PCDHGB2: variants seen among roughly 807,000 people sequenced by gnomAD.
PCDHGB2 encodes protocadherin gamma-B2.
PCDHGB2 carries 55 observed loss-of-function variants against 59.3 expected under a neutral mutation model. That is an observed-to-expected ratio of 0.93 (90% CI 0.75 to 1.16). The LOEUF is 1.16. PCDHGB2 is among the 50% of genes most tolerant of loss of function. PCDHGB2 has a pLI of 0.00. For synonymous variants in PCDHGB2, 516 were observed against 512.0 expected (o/e 1.01, Z -0.11); for missense variants, 1,228 against 1,198.5 (o/e 1.02, Z -0.36).
At position 141,399,778 on chromosome 5, in the gene PCDHGB2, C is replaced by T. The variant is rs187080333; in HGVS notation, c.2421+37222C>T. 2.5e-6 allele frequency: 4 copies of T among 1,613,250 alleles called. No individual in the cohort carries two copies. The South Asian group carries it at 3.3e-5, about 13-fold the overall frequency. On this transcript the variant is annotated intron_variant, in intron 1 of 3. Transcript: ENST00000522605. ...GAGCCTGCGCGTGTTGGTGGGCGAC[C>T]GAAACGACAACGCACCGCGGGTGCT...
chr5:141,432,935 C>T lies in PCDHGB2; in HGVS notation c.2422-61872C>T. The T allele has an allele frequency of 4.3e-6, 7 of 1,614,218 alleles. No homozygotes were observed. The highest frequency in any genetic ancestry group is 5.1e-6 in the Non-Finnish European group (6 of 1,180,046). On this transcript the variant is annotated intron_variant, in intron 1 of 3. Transcript: ENST00000522605. This position sits in a 1 kb window ranked among gnomAD's most constrained non-coding sequence, Gnocchi z 6.0. The stretch of plus-strand genomic sequence containing the variant: ...GCGCTGGCACAAGTCACGCCTGCTG[C>T]AGGCTTCAGGAGGCGGCTTGACAGG...
At chr5:141,499,423 GA>G (rs1229901490) in intron 2 of PCDHGB2, among the ~76,000 whole-genome samples, 3 of 151,756 alleles carry the variant, frequency 2.0e-5, no homozygotes, top group Non-Finnish European at 2.9e-5. Flanking sequence ...ATGAAAAATA[GA>G]AAAAAAATTA....
chr5:141,383,412 G>C (rs1417112594), intron 1 of PCDHGB2: 3 of 1,613,874 alleles, frequency 1.9e-6, no homozygotes, highest in East Asian at 2.2e-5. Context: ...AGAGTTACCA[G>C]CTCAGCCCCA....
At chr5:141,376,666 TG>T in intron 1 of PCDHGB2, 2 of 712,058 alleles carry the variant, frequency 2.8e-6, no homozygotes, top group East Asian at 6.0e-5. Context: ...CTTGTTCAGG[TG>T]AGGGTATCGT....
chr5:141,384,126 C>A lies in PCDHGB2; in HGVS notation c.2421+21570C>A, dbSNP rs749225079. On this transcript the variant is annotated intron_variant, in intron 1 of 3. Transcript: ENST00000522605. ...ATTATAGATTGGTCACAACCAAAAA[C>A]TTGGACCGGGAAACACTCTCTTTGT... 4 of 1,610,820 alleles carry A rather than the reference C, an allele frequency of 2.5e-6. No individual in the cohort carries two copies. The Admixed American group carries it at 6.7e-5, about 27-fold the overall frequency.
Position 141,383,223 on chromosome 5 carries a change from C to T in PCDHGB2, c.2421+20667C>T, listed in dbSNP as rs76873890. The T allele has an allele frequency of 1.7e-3, 2,674 of 1,613,922 alleles. 41 individuals are homozygous for T. In the African/African-American group the frequency reaches 0.031, roughly 19 times the overall value. Reference sequence around the variant, plus strand: ...CGCGGTGTCTGGTAAACTTTAACATCCTGATGGAAGATAAAATGAATCTTT... The same window carrying T: ...CGCGGTGTCTGGTAAACTTTAACATTCTGATGGAAGATAAAATGAATCTTT... On this transcript the variant is annotated intron_variant, in intron 1 of 3. Transcript: ENST00000522605.
At chr5:141,383,188 G>T (rs762386846) in intron 1 of PCDHGB2, 26 of 1,614,064 alleles carry the variant, frequency 1.6e-5, no homozygotes, top group Non-Finnish European at 2.1e-5. Context: ...AGAGATCTGC[G>T]CTCAGAGTGC....
chr5:141,415,740 G>GTTTTTTTTTT lies in PCDHGB2; in HGVS notation c.2421+53207_2421+53216dup, dbSNP rs57426385. 90 of 625,044 alleles carry GTTTTTTTTTT rather than the reference G, an allele frequency of 1.4e-4. 1 individual carries two copies. The highest frequency in any genetic ancestry group is 4.1e-4 in the East Asian group (6 of 14,742). The allele number at this position is 625,044 out of a possible 1,614,324, so 38.7% of individuals were successfully genotyped here. On this transcript the variant is annotated intron_variant, in intron 1 of 3. Coordinates refer to ENST00000522605, the MANE Select transcript of PCDHGB2 (RefSeq NM_018923.3). ...TGAGTAGAATTTGATGTTTATTAAG[G>GTTTTTTTTTT]TTTTTTTTTTTTTTTTTTTTTTTTT...
At chr5:141,455,128 T>C (rs2098813900) in intron 1 of PCDHGB2, among the ~76,000 whole-genome samples, 2 of 151,962 alleles carry the variant, frequency 1.3e-5, no homozygotes, top group Admixed American at 6.6e-5. Context: ...ATGTTTTAAA[T>C]TACACTGTGT....
chr5:141,433,508 A>G (rs2097615565), intron 1 of PCDHGB2, among the ~76,000 whole-genome samples: 1 of 152,068 alleles, frequency 6.6e-6, no homozygotes, highest in Non-Finnish European at 1.5e-5. Context: ...TGCTGGGATT[A>G]CAGGCGTGAA....
intron 1 of PCDHGB2, chr5:141,374,587 G>A: frequency 1.2e-6 from 2 of 1,613,722 alleles, no homozygotes; most frequent in Non-Finnish European, 1.7e-6. Context: ...ACTCCCTTCA[G>A]GGATTTAAGC....
intron 1 of PCDHGB2, chr5:141,484,865 G>A (rs1431313212): frequency 3.6e-6 from 1 of 278,548 alleles, no homozygotes; most frequent in Non-Finnish European, 6.7e-6. Flanking sequence ...GGGTGGGGGA[G>A]CGTGGAGGAT....
intron 1 of PCDHGB2, chr5:141,403,951 G>C: frequency 6.2e-7 from 1 of 1,613,882 alleles, no homozygotes. Flanking sequence ...GGACAAAAGT[G>C]CTCATTTCGG....
chr5:141,392,762 G>A lies in PCDHGB2; in HGVS notation c.2421+30206G>A, dbSNP rs1033759244. 8.8e-6 allele frequency: 13 copies of A among 1,478,030 alleles called. No individual in the cohort carries two copies. The African/African-American group carries it at 1.3e-4, about 14-fold the overall frequency. The allele number at this position is 1,478,030 out of a possible 1,614,324, so 91.6% of individuals were successfully genotyped here. ...ATAGCTGCGGCAAGAAACTAAATAA[G>A]ACCCATTTATGCACAGTGAAGATTC... On this transcript the variant is annotated intron_variant, in intron 1 of 3. Coordinates refer to ENST00000522605, the MANE Select transcript of PCDHGB2 (RefSeq NM_018923.3).
At position 141,487,385 on chromosome 5, in the gene PCDHGB2, CGAA is replaced by C; in HGVS notation, c.2422-7420_2422-7418del. 6.2e-7 allele frequency: 1 copy of C among 1,614,160 alleles called. No individual in the cohort carries two copies. The highest frequency in any genetic ancestry group is 8.5e-7 in the Non-Finnish European group (1 of 1,180,046). On this transcript the variant is annotated intron_variant, in intron 1 of 3. Coordinates refer to ENST00000522605, the MANE Select transcript of PCDHGB2 (RefSeq NM_018923.3). The surrounding 1 kb of genome is among the most constrained non-coding windows in gnomAD (Gnocchi z 5.0). ...CACCTGTGCCTGTCTCACCAGATCTCGAAGGAGGGAGGGGCTTCCCCCTTCCAA... is the reference window on the plus strand; with the variant it reads ...CACCTGTGCCTGTCTCACCAGATCTCGGAGGGAGGGGCTTCCCCCTTCCAA...
At chr5:141,387,323 G>T (rs2090908841) in intron 1 of PCDHGB2, among the ~76,000 whole-genome samples, 1 of 152,154 alleles carries the variant, frequency 6.6e-6, no homozygotes, top group South Asian at 2.1e-4. Context: ...AGTAAGTATG[G>T]AAAATTACTG....
rs371807105 is a variant in PCDHGB2 at position 141,476,586 on chromosome 5, A to G, written c.2422-18221A>G. ...GCTCCGGGGACGCGCTTTCCGCTCG[A>G]GAGCGCGCACGATCCCGATGTGGGA... is the stretch of plus-strand genomic sequence containing the variant. On this transcript the variant is annotated intron_variant, in intron 1 of 3. Coordinates refer to ENST00000522605, the MANE Select transcript of PCDHGB2 (RefSeq NM_018923.3). This position sits in a 1 kb window ranked among gnomAD's most constrained non-coding sequence, Gnocchi z 7.6. The G allele has an allele frequency of 6.2e-7, 1 of 1,614,222 alleles. No homozygotes were observed. The highest frequency in any genetic ancestry group is 8.5e-7 in the Non-Finnish European group (1 of 1,180,032).
rs535194185 is a variant in PCDHGB2, at chr5:141,485,480, A to C, written c.2422-9327A>C. 6.2e-7 allele frequency: 1 copy of C among 1,614,154 alleles called. No individual in the cohort carries two copies. The highest frequency in any genetic ancestry group is 1.7e-5 in the Admixed American group (1 of 60,020). On this transcript the variant is annotated intron_variant, in intron 1 of 3. Coordinates refer to ENST00000522605, the MANE Select transcript of PCDHGB2 (RefSeq NM_018923.3). This position sits in a 1 kb window ranked among gnomAD's most constrained non-coding sequence, Gnocchi z 5.7. The stretch of plus-strand genomic sequence containing the variant: ...ACTGTGTGGGCTCAGTGCCAGCTGC[A>C]TCGTGCCCCTGGAGTTTGTCACCGA...
Position 141,432,736 on chromosome 5 carries a change from G to T in PCDHGB2, c.2422-62071G>T. On this transcript the variant is annotated intron_variant, in intron 1 of 3. Transcript: ENST00000522605. The surrounding 1 kb of genome is among the most constrained non-coding windows in gnomAD (Gnocchi z 6.0). ...AGCCCCCTCTCTCCGCCACTGTCACGCTCACCGTGGCCGTGGCCGACAGCA... is the reference window on the plus strand; with the variant it reads ...AGCCCCCTCTCTCCGCCACTGTCACTCTCACCGTGGCCGTGGCCGACAGCA... The T allele has an allele frequency of 6.2e-7, 1 of 1,614,058 alleles. No individual in the cohort carries two copies. The highest frequency in any genetic ancestry group is 8.5e-7 in the Non-Finnish European group (1 of 1,179,980).
Sources: gnomAD v4.1 joint callset for allele counts (sites outside exome capture counted in the v4.1 genomes callset) on GRCh38, gnomAD v4.1.1 for gene constraint, Gnocchi (gnomAD v3.1) non-coding constraint, MANE v1.5 for transcripts, NCBI Gene and HGNC (gene_info 2026-07-23, HGNC 2026-07-21) for gene names.